Variants in ATRN observed in about 807,000 individuals in gnomAD.
ATRN encodes the protein attractin-2.
Under a neutral mutation model 178.7 loss-of-function variants are expected in ATRN, and 54 were observed. The observed-to-expected ratio is 0.30, with a 90% confidence interval of 0.24 to 0.38. ATRN has a LOEUF of 0.38. Ranked by LOEUF, ATRN falls within the 10% of genes least tolerant of loss-of-function variation. ATRN has a pLI of 1.00. For missense variants in ATRN, 1,443 were observed against 1,815.1 expected (o/e 0.79, Z 3.73); for synonymous variants, 636 against 663.0 (o/e 0.96, Z 0.63).
chr20:3,585,010 C>T lies in ATRN; in HGVS notation c.3184+130C>T, dbSNP rs2086338228. 18 of 887,620 alleles carry T rather than the reference C, an allele frequency of 2.0e-5. No individual in the cohort carries two copies. The South Asian group carries it at 3.0e-4, about 15-fold the overall frequency. The allele number at this position is 887,620 out of a possible 1,614,324, so 55.0% of individuals were successfully genotyped here. On this transcript the variant is annotated intron_variant, in intron 18 of 28. Coordinates refer to ENST00000262919, the MANE Select transcript of ATRN (RefSeq NM_139321.3). ...CTTTCCTTCCTCCTAATGGTTGGTA[C>T]AAGAAGGAATAGACCAGAAGCTGGT... is the stretch of plus-strand genomic sequence containing the variant.
At chr20:3,554,858 A>T (rs569559156) in intron 6 of ATRN, among the ~76,000 whole-genome samples, 1 of 152,156 alleles carries the variant, frequency 6.6e-6, no homozygotes, top group South Asian at 2.1e-4. Flanking sequence ...TCTCTTGAGC[A>T]GAAAAGCTTT....
At chr20:3,511,115 G>A (rs953364734) in intron 1 of ATRN, among the ~76,000 whole-genome samples, 5 of 152,100 alleles carry the variant, frequency 3.3e-5, no homozygotes, top group Non-Finnish European at 7.4e-5. Context: ...ATGGCATTCT[G>A]AGAATTAAAA....
chr20:3,503,382 C>T (rs1386254067), intron 1 of ATRN, among the ~76,000 whole-genome samples: 1 of 152,130 alleles, frequency 6.6e-6, no homozygotes, highest in African/African-American at 2.4e-5. Flanking sequence ...AGACAATCAA[C>T]AGTCACCAAT....
chr20:3,593,358 G>A (rs900850784), intron 19 of ATRN, among the ~76,000 whole-genome samples: 2 of 152,152 alleles, frequency 1.3e-5, no homozygotes, highest in African/African-American at 4.8e-5. Flanking sequence ...CTTAGGTAAC[G>A]ATAGTAGCCA....
rs149467038 is a variant in ATRN at position 3,514,060 on chromosome 20, G to A, written c.411-21193G>A. Among the ~76,000 whole-genome samples the A allele has an allele frequency of 2.4e-3, 372 of 152,260 alleles. 2 individuals are homozygous for A. The highest frequency in any genetic ancestry group is 8.3e-3 in the African/African-American group (346 of 41,556). On this transcript the variant is annotated intron_variant, in intron 1 of 28. Transcript: ENST00000262919. The stretch of plus-strand genomic sequence containing the variant: ...GACAAGCCCCAGTGAGATGAACCTG[G>A]TACCTCAGTTGGAAATGCAGAAATC...
rs73579665 is a variant in ATRN, at chr20:3,554,739, G to T, written c.1113-4654G>T. Among the ~76,000 whole-genome samples the T allele has an allele frequency of 5.0e-3, 759 of 152,178 alleles. 5 individuals carry two copies. The highest frequency in any genetic ancestry group is 0.017 in the African/African-American group (698 of 41,490). ...CCTGTTAACGCAAAACTTTTTAGTTGCATTAAAAAGCAATTCCCATTTTGT... is the reference window on the plus strand; with the variant it reads ...CCTGTTAACGCAAAACTTTTTAGTTTCATTAAAAAGCAATTCCCATTTTGT... On this transcript the variant is annotated intron_variant, in intron 6 of 28. Coordinates refer to ENST00000262919, the MANE Select transcript of ATRN (RefSeq NM_139321.3).
At chr20:3,490,945 C>T (rs1352230671) in intron 1 of ATRN, 20 of 1,511,002 alleles carry the variant, frequency 1.3e-5, no homozygotes, top group African/African-American at 6.9e-5. Flanking sequence ...TTGGCCATGA[C>T]GTCCATGAGC....
intron 27 of ATRN, among the ~76,000 whole-genome samples, chr20:3,641,461 C>T (rs932588294): frequency 6.6e-6 from 1 of 151,684 alleles, no homozygotes; most frequent in African/African-American, 2.4e-5. Context: ...CATGATGGCA[C>T]ACATCTGTAA....
At chr20:3,543,447 C>T (rs960410946) in intron 3 of ATRN, among the ~76,000 whole-genome samples, 3 of 152,084 alleles carry the variant, frequency 2.0e-5, no homozygotes, top group Admixed American at 6.5e-5. Context: ...AAGGGCGAGG[C>T]GTGGTGGCTC....
At chr20:3,553,897 A>AT (rs1037822990) in intron 6 of ATRN, among the ~76,000 whole-genome samples, 1 of 151,868 alleles carries the variant, frequency 6.6e-6, no homozygotes, top group Non-Finnish European at 1.5e-5. Context: ...AGTGTTAGTG[A>AT]TTTTTTGTTA....
chr20:3,492,865 G>GCGCT (rs201353071), intron 1 of ATRN, among the ~76,000 whole-genome samples: 1 of 121,326 alleles, frequency 8.2e-6, no homozygotes. Context: ...GCGCGCGCGC[G>GCGCT]CGTGCGCACG....
intron 2 of ATRN, among the ~76,000 whole-genome samples, chr20:3,536,850 T>A (rs2085540193): frequency 6.6e-6 from 1 of 152,236 alleles, no homozygotes; most frequent in Non-Finnish European, 1.5e-5. Context: ...TACAGTATTT[T>A]AAAATTATTG....
intron 18 of ATRN, among the ~76,000 whole-genome samples, chr20:3,589,242 C>T (rs1177578132): frequency 6.6e-6 from 1 of 152,078 alleles, no homozygotes; most frequent in Non-Finnish European, 1.5e-5. Context: ...TCGTGATCTG[C>T]CTGCCTTGGC....
intron 1 of ATRN, among the ~76,000 whole-genome samples, chr20:3,513,526 C>T (rs371751380): frequency 1.5e-3 from 223 of 152,172 alleles, no homozygotes; most frequent in Non-Finnish European, 2.3e-3. Flanking sequence ...GTAGTATAGT[C>T]TGAAGTCAGG....
At chr20:3,572,130 T>C (rs1414148624) in intron 11 of ATRN, among the ~76,000 whole-genome samples, 1 of 152,256 alleles carries the variant, frequency 6.6e-6, no homozygotes, top group East Asian at 1.9e-4. Flanking sequence ...CTTTTATCTG[T>C]TTATGATTGG....
At chr20:3,630,741 T>G (rs1244339982) in intron 25 of ATRN, among the ~76,000 whole-genome samples, 1 of 152,120 alleles carries the variant, frequency 6.6e-6, no homozygotes, top group Admixed American at 6.5e-5. Context: ...TTTTCATCAC[T>G]TCTCCCTTGT....
chr20:3,621,363 G>C (rs1468251941), intron 24 of ATRN, among the ~76,000 whole-genome samples: 2 of 149,058 alleles, frequency 1.3e-5, no homozygotes, highest in Non-Finnish European at 3.0e-5. Flanking sequence ...GATTGAGGAA[G>C]TGCAGGTCCG....
At chr20:3,629,595 G>T (rs1404711518) in intron 25 of ATRN, among the ~76,000 whole-genome samples, 2 of 152,164 alleles carry the variant, frequency 1.3e-5, no homozygotes, top group Non-Finnish European at 2.9e-5. Flanking sequence ...CAGGTTAGGG[G>T]CTCAGTCCCA....
chr20:3,535,667 T>C (rs1335467736), intron 2 of ATRN, among the ~76,000 whole-genome samples: 1 of 151,874 alleles, frequency 6.6e-6, no homozygotes, highest in Non-Finnish European at 1.5e-5. Flanking sequence ...GTTTTGCTCT[T>C]GTCACCCAGG....
Sources: gnomAD v4.1 joint callset for allele counts (sites outside exome capture counted in the v4.1 genomes callset) on GRCh38, gnomAD v4.1.1 for gene constraint, MANE v1.5 for transcripts, NCBI Gene and HGNC (gene_info 2026-07-23, HGNC 2026-07-21) for gene names.